Variants in C6 observed in about 807,000 individuals in gnomAD.
The protein encoded by C6 is complement component C6.
A neutral mutation model predicts 112.9 loss-of-function variants in C6; 101 were observed. The observed-to-expected ratio is 0.89, with a 90% CI of 0.76 to 1.06. The LOEUF (loss-of-function observed/expected upper bound fraction) is 1.06, where lower values mean the gene tolerates loss of function less well. Among genes scored for constraint, C6 ranks in the 50% least tolerant of loss-of-function variants. The pLI is 0.00. For missense variants in C6, 1,202 were observed against 1,104.6 expected, an observed-to-expected ratio of 1.09 and a Z score of -1.25; for synonymous variants, 431 against 384.1, an observed-to-expected ratio of 1.12 and a Z score of -1.43.
chr5:41,222,920 T>C (rs1451233307), intron 1 of C6, among the ~76,000 whole-genome samples: 1 of 152,190 alleles, frequency 6.6e-6, no homozygotes, highest in Non-Finnish European at 1.5e-5. Flanking sequence ...AAATTTAATA[T>C]CCTAACTGTG....
intron 1 of C6, among the ~76,000 whole-genome samples, chr5:41,229,401 T>C (rs1211480777): frequency 6.6e-6 from 1 of 152,008 alleles, no homozygotes; most frequent in Non-Finnish European, 1.5e-5. Context: ...TGTCAATATA[T>C]TTTTAGCTTT....
In C6 at chr5:41,172,310, A is replaced by G; in HGVS notation, c.1206T>C (p.Ile402=). 6.2e-7 allele frequency: 1 copy of G among 1,613,644 alleles called. No homozygotes were observed. Among genetic ancestry groups the G allele is most frequent in the South Asian group, 1.1e-5 (1 of 91,080 alleles). The change falls in exon 9 of 18, where the codon ATT becomes ATC. Residue 402 remains isoleucine (I), a synonymous_variant. Coordinates refer to ENST00000337836, the MANE Select transcript of C6 (RefSeq NM_000065.5). ...CAAATAAAACGCGTTTCTTTGTTTC[A>G]ATCCTGACACAGTGTTTGGCTTCTT... ...TEEEAKHCVR[I]ETKKRVLFAK...
chr5:41,199,022 T>C (rs1273417056), intron 4 of C6, among the ~76,000 whole-genome samples: 1 of 152,124 alleles, frequency 6.6e-6, no homozygotes, highest in Non-Finnish European at 1.5e-5. Flanking sequence ...TGGAGGTGGA[T>C]AGGGGAAAAC....
chr5:41,167,157 A>G lies in C6; in HGVS notation c.1291+5068T>C, dbSNP rs118072171. ...CAGGCTGGAGAGAGTCAAGAGAGAA[A>G]AAGAGCAAAATTTTGTCTTTCGAGA... On this transcript the variant is annotated intron_variant, in intron 9 of 17. Coordinates refer to ENST00000337836, the MANE Select transcript of C6 (RefSeq NM_000065.5). Among the ~76,000 whole-genome samples the G allele has an allele frequency of 2.6e-3, 389 of 152,262 alleles. 5 individuals carry two copies. The East Asian group carries it at 0.057, about 22-fold the overall frequency.
At chr5:41,182,837 A>T (rs1156329007) in intron 6 of C6, among the ~76,000 whole-genome samples, 1 of 152,228 alleles carries the variant, frequency 6.6e-6, no homozygotes, top group Non-Finnish European at 1.5e-5. Flanking sequence ...GACTTCAGCC[A>T]TACCACTATG....
Position 41,200,891 on chromosome 5 carries a change from G to GTTTTGTTTTT in C6, c.300+666_300+667insAAAAACAAAA, listed in dbSNP as rs1554029750. On this transcript the variant is annotated intron_variant, in intron 3 of 17. Transcript: ENST00000337836. ...TGTTTTTGTTGTTGTTGTTGTTGTT[G>GTTTTGTTTTT]TTTTTTTTTTTTTTTTTTTTTTTTT... Among the ~76,000 whole-genome samples, 25 of 70,668 alleles carry GTTTTGTTTTT rather than the reference G, an allele frequency of 3.5e-4. 1 individual carries two copies. The highest frequency in any genetic ancestry group is 4.4e-4 in the Non-Finnish European group (18 of 40,874). The allele number at this position is 70,668 out of a possible 152,430, so 46.4% of individuals were successfully genotyped here. A position where few individuals can be genotyped will look rare whatever the true frequency, so the allele number is the denominator to read the frequency against.
chr5:41,228,081 T>C (rs1739639132), intron 1 of C6, among the ~76,000 whole-genome samples: 1 of 152,172 alleles, frequency 6.6e-6, no homozygotes, highest in Non-Finnish European at 1.5e-5. Context: ...TTAACAATAT[T>C]AATTCTTCCA....
rs111543543 is a variant in C6 at position 41,191,240 on chromosome 5, T to C, written c.587+4552A>G. 9.2e-5 allele frequency among the ~76,000 whole-genome samples: 14 copies of C among 152,120 alleles called. 1 individual carries two copies. Among genetic ancestry groups the C allele is most frequent in the African/African-American group, 3.4e-4 (14 of 41,518 alleles). On this transcript the variant is annotated intron_variant, in intron 5 of 17. Coordinates refer to ENST00000337836, the MANE Select transcript of C6 (RefSeq NM_000065.5). ...CACCACCACGCCTGGCTAATTTTTG[T>C]ATTTTTAGTAGAGATGGGGTTTCAC...
chr5:41,255,133 G>T (rs1050101310), intron 1 of C6, among the ~76,000 whole-genome samples: 5 of 152,084 alleles, frequency 3.3e-5, no homozygotes, highest in African/African-American at 1.2e-4. Context: ...AGGCCAAGGT[G>T]GGCAGATCAC....
At chr5:41,246,506 C>CA (rs939571446) in intron 1 of C6, among the ~76,000 whole-genome samples, 10 of 151,830 alleles carry the variant, frequency 6.6e-5, no homozygotes, top group Non-Finnish European at 1.0e-4. Context: ...TCTTCAGGTG[C>CA]AAAAAAAATT....
chr5:41,231,260 G>A (rs923930181), intron 1 of C6, among the ~76,000 whole-genome samples: 1 of 151,962 alleles, frequency 6.6e-6, no homozygotes, highest in African/African-American at 2.4e-5. Context: ...TTATTTTGTA[G>A]GGTTTTTTGT....
intron 1 of C6, among the ~76,000 whole-genome samples, chr5:41,251,600 G>A (rs916552049): frequency 1.3e-5 from 2 of 152,144 alleles, no homozygotes; most frequent in Non-Finnish European, 2.9e-5. Flanking sequence ...CTAGGTCTTC[G>A]AATTTTCAGC....
At chr5:41,209,491 TCTCCTTAAG>T (rs887591395) in intron 1 of C6, among the ~76,000 whole-genome samples, 19 of 152,282 alleles carry the variant, frequency 1.2e-4, no homozygotes, top group African/African-American at 4.6e-4. Context: ...CAGTCCAAAA[TCTCCTTAAG>T]CTGATAAGCA....
intron 1 of C6, among the ~76,000 whole-genome samples, chr5:41,246,681 G>C (rs567622936): frequency 6.6e-6 from 1 of 152,264 alleles, no homozygotes; most frequent in South Asian, 2.1e-4. Flanking sequence ...GTTTCTTTGT[G>C]AGAAAAAGAC....
intron 8 of C6, chr5:41,172,635 T>G (rs1351697779): frequency 4.1e-6 from 2 of 488,636 alleles, no homozygotes; most frequent in African/African-American, 3.9e-5. Context: ...CCCATGGGGA[T>G]GGTGATGTCC....
At chr5:41,238,222 A>C (rs1268755936) in intron 1 of C6, among the ~76,000 whole-genome samples, 2 of 133,364 alleles carry the variant, frequency 1.5e-5, no homozygotes, top group Admixed American at 7.9e-5. Context: ...GAATTCGAAA[A>C]AACTACTTTA....
chr5:41,146,408 T>G (rs760019356), intron 17 of C6, among the ~76,000 whole-genome samples: 1 of 152,218 alleles, frequency 6.6e-6, no homozygotes, highest in Non-Finnish European at 1.5e-5. Context: ...GACATTCAAT[T>G]GAACTGAAAA....
chr5:41,160,272 G>A lies in C6; in HGVS notation c.1554C>T (p.Phe518=), dbSNP rs761609979. ...GGCATGGAGCACACTGGCAAGGATC[G>A]AACTTGGCTGCATACTCTTGCAAAG... ...RKALQEYAAK[F]DPCQCAPCPN... Residue 518 remains phenylalanine (F), a synonymous_variant, in exon 11 of 18, where the codon TTC becomes TTT. Transcript: ENST00000337836. 3.7e-6 allele frequency: 6 copies of A among 1,613,860 alleles called. No homozygotes were observed. Among genetic ancestry groups the A allele is most frequent in the South Asian group, 1.1e-5 (1 of 91,076 alleles).
chr5:41,174,509 T>C (rs934948269), intron 8 of C6, among the ~76,000 whole-genome samples: 3 of 152,228 alleles, frequency 2.0e-5, no homozygotes, highest in African/African-American at 7.2e-5. Flanking sequence ...ATTATCCTCT[T>C]GCATATTAGG....
Sources: allele counts gnomAD v4.1 joint callset (sites outside exome capture counted in the v4.1 genomes callset), GRCh38; gene constraint gnomAD v4.1.1; transcripts MANE v1.5; gene names NCBI Gene and HGNC (gene_info 2026-07-23, HGNC 2026-07-21).